The following CHD9 variants were observed in gnomAD, a reference collection of about 807,000 sequenced individuals.
CHD9 encodes ATP-dependent chromatin remodeler CHD9.
CHD9 carries 77 observed loss-of-function variants against 316.1 expected under a neutral mutation model. That is an observed-to-expected ratio of 0.24 (90% confidence interval 0.20 to 0.29). The LOEUF (loss-of-function observed/expected upper bound fraction) is 0.29. Ranked by LOEUF, CHD9 falls within the 10% of genes least tolerant of loss-of-function variation. The pLI is 1.00. For synonymous variants in CHD9, 1,129 were observed against 1,158.3 expected (o/e 0.97, Z 0.51); for missense variants, 2,763 against 3,438.1 (o/e 0.80, Z 4.91).
intron 22 of CHD9, among the ~76,000 whole-genome samples, chr16:53,269,154 T>A (rs1280533167): frequency 6.6e-6 from 1 of 152,166 alleles, no homozygotes; most frequent in Non-Finnish European, 1.5e-5. Flanking sequence ...GTTATGCCAA[T>A]TTACAATCCT....
In CHD9 at chr16:53,291,774, T is replaced by G. The variant is rs767015326; in HGVS notation, c.5290+7T>G. On this transcript the variant is annotated splice_region_variant and intron_variant, in intron 28 of 38. Transcript: ENST00000447540. ...CTTGTTATAGCAGATGGAGGTAAAT[T>G]GCACGTACTTCTGTACTTAGTATTA... 1 of 1,528,528 alleles carries G rather than the reference T, an allele frequency of 6.5e-7. No individual in the cohort carries two copies. Among genetic ancestry groups the G allele is most frequent in the South Asian group, 1.2e-5 (1 of 80,622 alleles). The allele number at this position is 1,528,528 out of a possible 1,614,324, so 94.7% of individuals were successfully genotyped here.
chr16:53,073,930 C>G (rs2034307826), intron 1 of CHD9, among the ~76,000 whole-genome samples: 1 of 152,132 alleles, frequency 6.6e-6, no homozygotes, highest in South Asian at 2.1e-4. Flanking sequence ...GTGGAAGCGA[C>G]TTTGGAACTG....
intron 1 of CHD9, among the ~76,000 whole-genome samples, chr16:53,143,555 T>C (rs1386162088): frequency 6.6e-6 from 1 of 151,762 alleles, no homozygotes; most frequent in Non-Finnish European, 1.5e-5. Flanking sequence ...GCCTGGCTAA[T>C]TTTTTGTATT....
At chr16:53,285,981 G>C (rs2053838680) in intron 25 of CHD9, among the ~76,000 whole-genome samples, 1 of 152,166 alleles carries the variant, frequency 6.6e-6, no homozygotes, top group South Asian at 2.1e-4. Context: ...GTGTGGGTAT[G>C]ATCAGTTTAT....
intron 1 of CHD9, among the ~76,000 whole-genome samples, chr16:53,063,152 C>T (rs2033105517): frequency 6.6e-6 from 1 of 152,086 alleles, no homozygotes. Flanking sequence ...TCAAATCATT[C>T]AATTAATCCT....
intron 1 of CHD9, among the ~76,000 whole-genome samples, chr16:53,089,848 C>T (rs936599240): frequency 3.3e-5 from 5 of 152,152 alleles, no homozygotes; most frequent in African/African-American, 7.2e-5. Context: ...CACTGGCACA[C>T]GAGGAACACC....
At chr16:53,104,281 T>A (rs1372184159) in intron 1 of CHD9, among the ~76,000 whole-genome samples, 1 of 152,206 alleles carries the variant, frequency 6.6e-6, no homozygotes, top group East Asian at 1.9e-4. Context: ...GCATTGCCAA[T>A]GTTGGAAACC....
At chr16:53,309,070 A>G (rs557782362) in intron 34 of CHD9, among the ~76,000 whole-genome samples, 1 of 152,326 alleles carries the variant, frequency 6.6e-6, no homozygotes, top group East Asian at 1.9e-4. Flanking sequence ...TTTGGGGCCT[A>G]GAGTAGTTGT....
At chr16:53,314,796 A>C (rs560451199) in intron 35 of CHD9, 27 bp from the exon 36 acceptor site, 1 of 1,469,756 alleles carries the variant, frequency 6.8e-7, no homozygotes, top group South Asian at 1.2e-5. Context: ...TATGAAAATA[A>C]AGATACCATT....
rs774168431 is a variant in CHD9, at chr16:53,296,914, A to T, written c.5511-42A>T. On this transcript the variant is annotated intron_variant, in intron 29 of 38. Coordinates refer to ENST00000447540, the MANE Select transcript of CHD9 (RefSeq NM_001308319.2). ...TATATTTAGTATTAATATTAATTTT[A>T]GTGACTAGTGTGGTTTTTTTCTTTA... The T allele has an allele frequency of 2.4e-6, 3 of 1,263,490 alleles. No individual in the cohort carries two copies. The Admixed American group carries it at 5.6e-5, about 24-fold the overall frequency. 78.3% of individuals were successfully genotyped at this position (1,263,490 alleles called of 1,614,324 possible). A position where few individuals can be genotyped will look rare whatever the true frequency, so the allele number is the denominator to read the frequency against.
chr16:53,319,856 A>T (rs2153112111), intron 37 of CHD9: 1 of 1,253,840 alleles, frequency 8.0e-7, no homozygotes, highest in African/African-American at 1.5e-5. Flanking sequence ...TCTACCTGCT[A>T]AATCCCCATA....
rs143826667 is a variant in CHD9 at position 53,305,219 on chromosome 16, G to A, written c.6619+594G>A. ...TAGGATTACAGGCACCCACCACCAT[G>A]TCCAGCTAATTTTTGTATTTTTGTA... On this transcript the variant is annotated intron_variant, in intron 31 of 38. Coordinates refer to ENST00000447540, the MANE Select transcript of CHD9 (RefSeq NM_001308319.2). 2.1e-3 allele frequency among the ~76,000 whole-genome samples: 317 copies of A among 151,680 alleles called. 1 individual carries two copies. The highest frequency in any genetic ancestry group is 7.2e-3 in the African/African-American group (297 of 41,330).
chr16:53,105,641 C>G (rs2037284545), intron 1 of CHD9, among the ~76,000 whole-genome samples: 1 of 152,076 alleles, frequency 6.6e-6, no homozygotes, highest in South Asian at 2.1e-4. Flanking sequence ...TTAAAAGAGC[C>G]TGGAATCAAA....
intron 1 of CHD9, among the ~76,000 whole-genome samples, chr16:53,090,828 C>T (rs1389783329): frequency 6.6e-6 from 1 of 152,172 alleles, no homozygotes; most frequent in East Asian, 1.9e-4. Context: ...TGCCACCCCA[C>T]CCCAACCCCC....
At chr16:53,137,118 C>T (rs980935776) in intron 1 of CHD9, among the ~76,000 whole-genome samples, 4 of 152,020 alleles carry the variant, frequency 2.6e-5, no homozygotes, top group Admixed American at 6.6e-5. Flanking sequence ...GGCTTACAAG[C>T]ACCTGCCACC....
At chr16:53,095,454 CAGG>C (rs1418767811) in intron 1 of CHD9, among the ~76,000 whole-genome samples, 1 of 151,860 alleles carries the variant, frequency 6.6e-6, no homozygotes, top group Non-Finnish European at 1.5e-5. Context: ...GAGGCTGAGG[CAGG>C]AGGATTGCTT....
At chr16:53,090,107 T>G (rs1478641456) in intron 1 of CHD9, among the ~76,000 whole-genome samples, 1 of 152,180 alleles carries the variant, frequency 6.6e-6, no homozygotes, top group Non-Finnish European at 1.5e-5. Flanking sequence ...CAGCATCCTC[T>G]TAAGTGTTGC....
intron 15 of CHD9, among the ~76,000 whole-genome samples, chr16:53,246,111 G>A (rs887837742): frequency 6.6e-6 from 1 of 152,098 alleles, no homozygotes; most frequent in Non-Finnish European, 1.5e-5. Flanking sequence ...CTCCTCATAG[G>A]CAAAGACAGC....
At chr16:53,095,685 C>T (rs1242229169) in intron 1 of CHD9, among the ~76,000 whole-genome samples, 1 of 152,212 alleles carries the variant, frequency 6.6e-6, no homozygotes, top group Non-Finnish European at 1.5e-5. Flanking sequence ...CACTTGTTGT[C>T]CCTGCTCTAT....
Sources: allele counts gnomAD v4.1 joint callset (sites outside exome capture counted in the v4.1 genomes callset), GRCh38; gene constraint gnomAD v4.1.1; transcripts MANE v1.5; gene names NCBI Gene and HGNC (gene_info 2026-07-23, HGNC 2026-07-21).